The following ACOT12 variants were observed in gnomAD, a reference collection of about 807,000 sequenced individuals.
ACOT12 encodes acetyl-coenzyme A thioesterase.
A neutral mutation model predicts 67.7 loss-of-function variants in ACOT12; 51 were observed. That is an observed-to-expected ratio of 0.75 (90% CI 0.60 to 0.95). The LOEUF is 0.95. Among genes scored for constraint, ACOT12 ranks in the 40% least tolerant of loss-of-function variants. ACOT12 has a pLI of 0.00. For missense variants in ACOT12, 734 were observed against 708.1 expected (o/e 1.04, Z -0.41); for synonymous variants, 251 against 244.6 (o/e 1.03, Z -0.24).
the ACOT12 span, among the ~76,000 whole-genome samples, chr5:81,317,452 A>C: frequency 6.6e-6 from 1 of 151,242 alleles, no homozygotes; most frequent in Non-Finnish European, 1.5e-5. Context: ...CAGTGAGCCG[A>C]GATCGTGCCA....
chr5:81,336,586 A>G (rs547383020), intron 11 of ACOT12, among the ~76,000 whole-genome samples: 1 of 152,324 alleles, frequency 6.6e-6, no homozygotes, highest in South Asian at 2.1e-4. Context: ...GCATGAATGC[A>G]TCCCTTGCTA....
intron 5 of ACOT12, among the ~76,000 whole-genome samples, chr5:81,349,494 G>A (rs879375856): frequency 1.3e-5 from 2 of 151,934 alleles, no homozygotes; most frequent in South Asian, 2.1e-4. Context: ...AATCCCCCTG[G>A]CCACCATCAC....
chr5:81,362,261 G>T (rs996750165), intron 4 of ACOT12, among the ~76,000 whole-genome samples: 1 of 151,044 alleles, frequency 6.6e-6, no homozygotes, highest in Non-Finnish European at 1.5e-5. Context: ...TGCCTCCCAG[G>T]TTCAAGTGAG....
At chr5:81,355,594 G>A (rs943634952) in intron 5 of ACOT12, among the ~76,000 whole-genome samples, 14 of 152,226 alleles carry the variant, frequency 9.2e-5, no homozygotes, top group African/African-American at 3.4e-4. Flanking sequence ...GATAAAAAAA[G>A]CGTTGGATAA....
downstream of ACOT12, among the ~76,000 whole-genome samples, chr5:81,329,258 C>T (rs1243042023): frequency 6.6e-6 from 1 of 152,188 alleles, no homozygotes; most frequent in Non-Finnish European, 1.5e-5. Flanking sequence ...GTAACTCCTT[C>T]ATTACTAATT....
intron 11 of ACOT12, among the ~76,000 whole-genome samples, chr5:81,337,719 C>T (rs1759047918): frequency 6.6e-6 from 1 of 152,196 alleles, no homozygotes; most frequent in Admixed American, 6.5e-5. Flanking sequence ...AGCAACCCTG[C>T]TGACATCTTG....
chr5:81,363,725 T>G (rs1759987743), intron 4 of ACOT12, 63 bp downstream of exon 4: 1 of 1,238,962 alleles, frequency 8.1e-7, no homozygotes, highest in Non-Finnish European at 1.1e-6. Flanking sequence ...TATAACATTC[T>G]GATGCAATTG....
intron 11 of ACOT12, among the ~76,000 whole-genome samples, chr5:81,341,133 G>T (rs1759180225): frequency 6.6e-6 from 1 of 152,196 alleles, no homozygotes; most frequent in South Asian, 2.1e-4. Flanking sequence ...AATGATGAAA[G>T]AAGTAAGTTT....
At chr5:81,344,770 G>A (rs1316389249) in intron 8 of ACOT12, 121 bp downstream of exon 8, 34 of 1,252,574 alleles carry the variant, frequency 2.7e-5, no homozygotes, top group Non-Finnish European at 3.7e-5. Context: ...ACTTTGTGAT[G>A]CTGAAAAGAG....
chr5:81,319,228 T>C, the ACOT12 span, among the ~76,000 whole-genome samples: 2 of 152,272 alleles, frequency 1.3e-5, no homozygotes, highest in African/African-American at 4.8e-5. Context: ...AACAGGTTCC[T>C]AGTTGACTAT....
Position 81,356,427 on chromosome 5 carries a change from T to A in ACOT12, c.496+3476A>T, listed in dbSNP as rs917394935. Among the ~76,000 whole-genome samples the A allele has an allele frequency of 2.0e-5, 3 of 152,146 alleles. No homozygotes were observed. In the South Asian group the frequency reaches 6.2e-4, roughly 32 times the overall value. ...AGGTTTGTCTTTCTGGATCCTCTCT[T>A]AGATGCCTGTGCTTTGCAGGTTCTG... On this transcript the variant is annotated intron_variant, in intron 5 of 14. Transcript: ENST00000307624.
rs752179458 is a variant in ACOT12, at chr5:81,363,778, C to A, written c.360+10G>T. 12 of 1,601,902 alleles carry A rather than the reference C, an allele frequency of 7.5e-6. No individual in the cohort carries two copies. The highest frequency in any genetic ancestry group is 6.9e-5 in the Admixed American group (4 of 58,370). The stretch of plus-strand genomic sequence containing the variant: ...TACATGCTAGATACATCTTCACATA[C>A]AAAATTTACCTTTTCTTTTCCAACT... On this transcript the variant is annotated intron_variant, in intron 4 of 14. Transcript: ENST00000307624.
intron 1 of ACOT12, among the ~76,000 whole-genome samples, chr5:81,391,434 TC>T (rs1338060617): frequency 6.6e-6 from 1 of 152,236 alleles, no homozygotes; most frequent in East Asian, 1.9e-4. Context: ...GTGTTAACTT[TC>T]AAGTGTTATA....
chr5:81,365,360 C>T (rs1760047826), intron 3 of ACOT12, among the ~76,000 whole-genome samples: 1 of 152,068 alleles, frequency 6.6e-6, no homozygotes, highest in Admixed American at 6.6e-5. Context: ...ATGGTAAATC[C>T]TAAATTAACT....
intron 5 of ACOT12, among the ~76,000 whole-genome samples, chr5:81,354,389 GCAGA>G (rs1272438364): frequency 2.6e-5 from 4 of 152,148 alleles, no homozygotes; most frequent in South Asian, 2.1e-4. Context: ...TTAGTGTTGT[GCAGA>G]CAAATTGTCT....
intron 11 of ACOT12, 67 bp from the exon 12 acceptor site, chr5:81,335,968 A>G (rs1758987703): frequency 1.3e-6 from 2 of 1,497,904 alleles, no homozygotes; most frequent in Middle Eastern, 1.8e-4. Context: ...AACCATATGC[A>G]TATATATGTA....
chr5:81,352,166 A>G (rs890361324), intron 5 of ACOT12, among the ~76,000 whole-genome samples: 8 of 152,216 alleles, frequency 5.3e-5, no homozygotes, highest in Non-Finnish European at 1.0e-4. Flanking sequence ...GGGAATGTAA[A>G]TTAGTACAAC....
chr5:81,330,767 G>C (rs370641600), intron 14 of ACOT12, 47 bp downstream of exon 14: 1 of 1,589,810 alleles, frequency 6.3e-7, no homozygotes, highest in East Asian at 2.2e-5. Flanking sequence ...GAGATTTTTC[G>C]CTATCTGGCA....
At chr5:81,368,112 T>C (rs1004299955) in intron 3 of ACOT12, among the ~76,000 whole-genome samples, 1 of 152,132 alleles carries the variant, frequency 6.6e-6, no homozygotes, top group African/African-American at 2.4e-5. Flanking sequence ...GCCAACATGG[T>C]GAAATCCTTT....
Sources: gnomAD v4.1 joint callset for allele counts (sites outside exome capture counted in the v4.1 genomes callset) on GRCh38, gnomAD v4.1.1 for gene constraint, MANE v1.5 for transcripts, NCBI Gene and HGNC (gene_info 2026-07-23, HGNC 2026-07-21) for gene names.